Variants in COL24A1 observed in about 807,000 individuals in gnomAD.
COL24A1 encodes the protein collagen alpha-1(XXIV) chain.
Under a neutral mutation model 253.9 loss-of-function variants are expected in COL24A1, and 224 were observed. That is an observed-to-expected ratio of 0.88 (90% CI 0.79 to 0.99). The LOEUF is 0.99. Among genes scored for constraint, COL24A1 ranks in the 50% least tolerant of loss-of-function variants. COL24A1 has a pLI of 0.00. For missense variants in COL24A1, 2,131 were observed against 2,068.5 expected (o/e 1.03, Z -0.59); for synonymous variants, 685 against 673.7 (o/e 1.02, Z -0.26).
chr1:85,875,143 A>G, intron 34 of COL24A1, 134 bp downstream of exon 34: 1 of 757,404 alleles, frequency 1.3e-6, no homozygotes, highest in East Asian at 2.7e-5. Context: ...TAGGAGTTCC[A>G]AAACATTTCC....
At chr1:86,072,037 C>T (rs183557047) in intron 7 of COL24A1, among the ~76,000 whole-genome samples, 8 of 152,168 alleles carry the variant, frequency 5.3e-5, no homozygotes, top group East Asian at 1.9e-4. Flanking sequence ...TTCCCTCGGA[C>T]GCCTACACCA....
chr1:85,862,684 A>C (rs75733161), intron 37 of COL24A1, among the ~76,000 whole-genome samples: 2 of 152,342 alleles, frequency 1.3e-5, no homozygotes, highest in East Asian at 3.9e-4. Flanking sequence ...TTGCTTTATG[A>C]TGAAACTGTT....
intron 7 of COL24A1, among the ~76,000 whole-genome samples, chr1:86,075,664 A>C (rs1702196096): frequency 6.6e-6 from 1 of 152,198 alleles, no homozygotes; most frequent in South Asian, 2.1e-4. Flanking sequence ...TGCAAACTGA[A>C]TCCAGCAGCA....
chr1:85,926,545 T>C lies in COL24A1; in HGVS notation c.2563-15112A>G, dbSNP rs529431231. 2.6e-5 allele frequency among the ~76,000 whole-genome samples: 4 copies of C among 152,258 alleles called. No individual in the cohort carries two copies. In the South Asian group the frequency reaches 8.3e-4, roughly 32 times the overall value. ...ACATGGATGAAGCTGGAAACCATCA[T>C]TCTGAGCCAACTATCACAAGGACAT... On this transcript the variant is annotated intron_variant, in intron 24 of 59. Transcript: ENST00000370571.
intron 18 of COL24A1, among the ~76,000 whole-genome samples, chr1:86,021,820 A>G (rs1351033584): frequency 6.6e-6 from 1 of 152,114 alleles, no homozygotes; most frequent in Admixed American, 6.6e-5. Context: ...AAAAAAAATA[A>G]GGATTTAGAA....
chr1:85,829,902 T>C (rs1218821048), intron 43 of COL24A1, among the ~76,000 whole-genome samples: 3 of 152,140 alleles, frequency 2.0e-5, no homozygotes, highest in Non-Finnish European at 4.4e-5. Flanking sequence ...TTTGATCGTC[T>C]GAAGCCTTCT....
At chr1:86,126,586 C>T (rs979175797) in intron 2 of COL24A1, among the ~76,000 whole-genome samples, 5 of 152,012 alleles carry the variant, frequency 3.3e-5, no homozygotes, top group African/African-American at 1.2e-4. Context: ...GATCCTCCCA[C>T]CTCAGCCTCC....
At chr1:85,864,717 A>C (rs188142881) in intron 37 of COL24A1, among the ~76,000 whole-genome samples, 3 of 152,300 alleles carry the variant, frequency 2.0e-5, no homozygotes, top group Admixed American at 1.3e-4. Context: ...TTCCCTTAAG[A>C]TATTTACCTC....
At chr1:85,744,372 T>A (rs1664978107) in intron 57 of COL24A1, among the ~76,000 whole-genome samples, 1 of 152,096 alleles carries the variant, frequency 6.6e-6, no homozygotes, top group South Asian at 2.1e-4. Context: ...CTTACCAAGT[T>A]CTGATGAGTA....
intron 19 of COL24A1, among the ~76,000 whole-genome samples, chr1:86,011,850 T>G (rs1571591903): frequency 6.6e-6 from 1 of 152,208 alleles, no homozygotes; most frequent in African/African-American, 2.4e-5. Flanking sequence ...CTCATTCTAT[T>G]GGATAAAGGT....
At chr1:85,951,770 A>G (rs1403729638) in intron 24 of COL24A1, among the ~76,000 whole-genome samples, 4 of 152,196 alleles carry the variant, frequency 2.6e-5, no homozygotes, top group African/African-American at 9.7e-5. Flanking sequence ...ACATACCAGA[A>G]AAACATAGAT....
chr1:86,117,062 T>G (rs1706218163), intron 3 of COL24A1, among the ~76,000 whole-genome samples: 1 of 152,160 alleles, frequency 6.6e-6, no homozygotes, highest in South Asian at 2.1e-4. Flanking sequence ...GTAGGAGAAA[T>G]CGCAACTAAA....
chr1:85,767,421 C>G (rs1011385027), intron 53 of COL24A1, among the ~76,000 whole-genome samples: 7 of 152,142 alleles, frequency 4.6e-5, no homozygotes, highest in East Asian at 1.9e-4. Context: ...GAAATGTTAC[C>G]AAGCTTTTCC....
chr1:86,015,862 G>A (rs1349623983), intron 19 of COL24A1, among the ~76,000 whole-genome samples: 1 of 146,710 alleles, frequency 6.8e-6, no homozygotes, highest in Non-Finnish European at 1.5e-5. Context: ...CTACAATGAA[G>A]TTTTGAAGAC....
rs144022628 is a variant in COL24A1 at position 85,946,227 on chromosome 1, C to T, written c.2562+15022G>A. Among the ~76,000 whole-genome samples the T allele has an allele frequency of 1.4e-4, 21 of 152,286 alleles. No homozygotes were observed. In the East Asian group the frequency reaches 3.9e-3, roughly 28 times the overall value. The stretch of plus-strand genomic sequence containing the variant: ...GTAGATAATATTTAACATGTTATAG[C>T]TCACTTCCGAGTTGAGGGTATTAAG... On this transcript the variant is annotated intron_variant, in intron 24 of 59. Coordinates refer to ENST00000370571, the MANE Select transcript of COL24A1 (RefSeq NM_152890.7).
At chr1:85,950,748 T>C (rs17128512) in intron 24 of COL24A1, among the ~76,000 whole-genome samples, 6,441 of 152,180 alleles carry the variant, frequency 0.042, 220 homozygotes, top group African/African-American at 0.09. Context: ...AAATAAAAAA[T>C]GGCAAGAAGT....
chr1:86,014,112 T>C (rs1326294707), intron 19 of COL24A1, among the ~76,000 whole-genome samples: 3 of 152,206 alleles, frequency 2.0e-5, no homozygotes, highest in African/African-American at 4.8e-5. Flanking sequence ...TTTACCTTCC[T>C]TGCTTTCAAG....
intron 58 of COL24A1, chr1:85,736,097 T>G (rs1191899065): frequency 3.3e-6 from 1 of 305,208 alleles, no homozygotes; most frequent in Non-Finnish European, 6.5e-6. Flanking sequence ...GGTATAACAC[T>G]AATCTGGCAT....
At chr1:85,844,037 A>G (rs1212724366) in intron 39 of COL24A1, among the ~76,000 whole-genome samples, 1 of 152,114 alleles carries the variant, frequency 6.6e-6, no homozygotes, top group African/African-American at 2.4e-5. Flanking sequence ...TAAGAAAGCT[A>G]TAAGGATTTA....
Sources: gnomAD v4.1 joint callset for allele counts (sites outside exome capture counted in the v4.1 genomes callset) on GRCh38, gnomAD v4.1.1 for gene constraint, MANE v1.5 for transcripts, NCBI Gene and HGNC (gene_info 2026-07-23, HGNC 2026-07-21) for gene names.